The following WWOX variants were observed in gnomAD, a reference collection of about 807,000 sequenced individuals.
WWOX encodes the protein WW domain-containing oxidoreductase.
In WWOX, 69 loss-of-function variants were observed where a neutral mutation model predicts 46.2. That is an observed-to-expected ratio of 1.49 (90% CI 1.23 to 1.82). The LOEUF is 1.82. WWOX is among the 40% of genes most tolerant of loss of function. WWOX has a pLI of 0.00. For synonymous variants in WWOX, 359 were observed against 202.6 expected (o/e 1.77, Z -6.56); for missense variants, 919 against 542.6 (o/e 1.69, Z -6.89).
intron 8 of WWOX, among the ~76,000 whole-genome samples, chr16:79,119,797 T>C (rs745698074): frequency 1.2e-4 from 18 of 152,062 alleles, no homozygotes; most frequent in Non-Finnish European, 2.1e-4. Flanking sequence ...ATTAACCTCA[T>C]AGGGAAGACA....
At chr16:78,148,460 T>C (rs1259498591) in intron 4 of WWOX, among the ~76,000 whole-genome samples, 1 of 152,196 alleles carries the variant, frequency 6.6e-6, no homozygotes, top group Non-Finnish European at 1.5e-5. Context: ...AGCTGTGTCT[T>C]CTTGAGAACC....
chr16:78,760,542 C>T (rs1415878880), intron 8 of WWOX, among the ~76,000 whole-genome samples: 1 of 152,184 alleles, frequency 6.6e-6, no homozygotes, highest in Non-Finnish European at 1.5e-5. Flanking sequence ...AGCTTATTCC[C>T]AATCACACAG....
intron 8 of WWOX, among the ~76,000 whole-genome samples, chr16:78,646,433 TA>T (rs1415827827): frequency 6.6e-6 from 1 of 152,102 alleles, no homozygotes; most frequent in Non-Finnish European, 1.5e-5. Context: ...TTATATATTT[TA>T]ATTTTTTTTT....
At position 78,869,181 on chromosome 16, in the gene WWOX, C is replaced by G. The variant is rs564830657; in HGVS notation, c.1057-342427C>G. Reference sequence around the variant, plus strand: ...TACGTTTTAGTCAACCATCAGCTGACTTATTCATGTTCTGTGGACTCTGTG... The same window carrying G: ...TACGTTTTAGTCAACCATCAGCTGAGTTATTCATGTTCTGTGGACTCTGTG... On this transcript the variant is annotated intron_variant, in intron 8 of 8. Transcript: ENST00000566780. Among the ~76,000 whole-genome samples the G allele has an allele frequency of 3.3e-5, 5 of 152,260 alleles. No homozygotes were observed. The East Asian group carries it at 9.6e-4, about 29-fold the overall frequency.
chr16:78,566,886 A>AG (rs1668550773), intron 8 of WWOX, among the ~76,000 whole-genome samples: 1 of 152,210 alleles, frequency 6.6e-6, no homozygotes, highest in Non-Finnish European at 1.5e-5. Context: ...TGAAGATCAA[A>AG]GGGGTCACGT....
intron 8 of WWOX, among the ~76,000 whole-genome samples, chr16:79,139,648 G>A (rs531108823): frequency 3.3e-5 from 5 of 151,576 alleles, no homozygotes; most frequent in South Asian, 2.1e-4. Context: ...AAAGCAGGCC[G>A]ATCTTGTTGA....
At chr16:78,379,208 C>G (rs927293143) in intron 5 of WWOX, among the ~76,000 whole-genome samples, 4 of 152,124 alleles carry the variant, frequency 2.6e-5, no homozygotes, top group African/African-American at 9.7e-5. Context: ...CAAATTAGAG[C>G]TTTTTAAATG....
At chr16:78,109,231 G>C (rs1597208963) in intron 2 of WWOX, among the ~76,000 whole-genome samples, 1 of 152,080 alleles carries the variant, frequency 6.6e-6, no homozygotes, top group African/African-American at 2.4e-5. Context: ...TTGTGCTTGT[G>C]ATCCCAGCCC....
chr16:78,963,833 C>T (rs189716617), intron 8 of WWOX, among the ~76,000 whole-genome samples: 1 of 152,112 alleles, frequency 6.6e-6, no homozygotes, highest in African/African-American at 2.4e-5. Flanking sequence ...ATCGTATCTC[C>T]CAGAATTCCC....
chr16:78,418,517 G>C (rs538762765), intron 6 of WWOX, among the ~76,000 whole-genome samples: 1 of 152,056 alleles, frequency 6.6e-6, no homozygotes, highest in African/African-American at 2.4e-5. Context: ...GGAAACTTTA[G>C]GTCACTTTCA....
At chr16:78,122,786 G>T (rs749017619) in intron 4 of WWOX, among the ~76,000 whole-genome samples, 2 of 151,804 alleles carry the variant, frequency 1.3e-5, no homozygotes, top group African/African-American at 4.8e-5. Flanking sequence ...TGTATTTTTC[G>T]TAGAGACAGG....
intron 8 of WWOX, among the ~76,000 whole-genome samples, chr16:78,532,955 A>G (rs1421945992): frequency 6.6e-6 from 1 of 152,224 alleles, no homozygotes; most frequent in Non-Finnish European, 1.5e-5. Context: ...AGGCCTGATG[A>G]AGCAAGAGTA....
At chr16:78,784,027 A>G (rs2050395707) in intron 8 of WWOX, among the ~76,000 whole-genome samples, 1 of 152,080 alleles carries the variant, frequency 6.6e-6, no homozygotes, top group African/African-American at 2.4e-5. Context: ...GATGTTGATG[A>G]TAATGATGAT....
intron 8 of WWOX, among the ~76,000 whole-genome samples, chr16:79,035,378 C>T (rs762663658): frequency 6.6e-6 from 1 of 152,124 alleles, no homozygotes; most frequent in African/African-American, 2.4e-5. Context: ...AAGGCCAACC[C>T]CATTAGACAG....
At chr16:78,718,089 G>C (rs1452741699) in intron 8 of WWOX, among the ~76,000 whole-genome samples, 3 of 57,356 alleles carry the variant, frequency 5.2e-5, no homozygotes, top group African/African-American at 3.1e-4. Context: ...AGGGGTTCTG[G>C]TGGTTGTATT....
intron 8 of WWOX, among the ~76,000 whole-genome samples, chr16:78,621,857 A>T (rs912471824): frequency 6.6e-6 from 1 of 151,754 alleles, no homozygotes; most frequent in Non-Finnish European, 1.5e-5. Flanking sequence ...TGCCTACCTT[A>T]GCCTCCCAAA....
chr16:79,171,276 G>A (rs2050694602), intron 8 of WWOX, among the ~76,000 whole-genome samples: 1 of 152,182 alleles, frequency 6.6e-6, no homozygotes, highest in Non-Finnish European at 1.5e-5. Context: ...GAAGTATTCT[G>A]ATAATGGCTT....
chr16:78,873,842 T>G (rs1240962757), intron 8 of WWOX, among the ~76,000 whole-genome samples: 2 of 152,086 alleles, frequency 1.3e-5, no homozygotes, highest in East Asian at 1.9e-4. Flanking sequence ...TATGTTTTTT[T>G]GCCAGGCCAT....
chr16:78,746,968 C>T (rs569613492), intron 8 of WWOX, among the ~76,000 whole-genome samples: 75 of 152,222 alleles, frequency 4.9e-4, no homozygotes, highest in Admixed American at 2.3e-3. Flanking sequence ...TAAAAATACA[C>T]GCTCTTTTCC....
Sources: gnomAD v4.1 joint callset for allele counts (sites outside exome capture counted in the v4.1 genomes callset) on GRCh38, gnomAD v4.1.1 for gene constraint, MANE v1.5 for transcripts, NCBI Gene and HGNC (gene_info 2026-07-23, HGNC 2026-07-21) for gene names.